The following LAMA2 variants were observed in gnomAD, a reference collection of about 807,000 sequenced individuals.
LAMA2 encodes laminin subunit alpha 2.
A neutral mutation model predicts 364.8 loss-of-function variants in LAMA2; 269 were observed. The observed-to-expected ratio is 0.74, with a 90% confidence interval of 0.67 to 0.82. The LOEUF (loss-of-function observed/expected upper bound fraction) is 0.82. Among genes scored for constraint, LAMA2 ranks in the 40% least tolerant of loss-of-function variants. The pLI, the probability that LAMA2 is intolerant of heterozygous loss-of-function variation, is 0.00. For synonymous variants in LAMA2, 1,379 were observed against 1,370.6 expected, an observed-to-expected ratio of 1.01 and a Z score of -0.14; for missense variants, 3,807 against 3,873.2, an observed-to-expected ratio of 0.98 and a Z score of 0.45.
Position 128,946,164 on chromosome 6 carries a change from A to G in LAMA2, c.112+62807A>G, listed in dbSNP as rs78642184. ...CTGATTATCAATGAATGTTGTTTTA[A>G]GTCACTACGTTTGTGATAATTTATT... On this transcript the variant is annotated intron_variant, in intron 1 of 64. Coordinates refer to ENST00000421865, the MANE Select transcript of LAMA2 (RefSeq NM_000426.4). Among the ~76,000 whole-genome samples, 580 of 152,370 alleles carry G rather than the reference A, an allele frequency of 3.8e-3. 2 individuals carry two copies. Among genetic ancestry groups the G allele is most frequent in the Non-Finnish European group, 7.0e-3 (479 of 68,042 alleles).
At chr6:128,889,634 A>C (rs2114379391) in intron 1 of LAMA2, among the ~76,000 whole-genome samples, 1 of 152,232 alleles carries the variant, frequency 6.6e-6, no homozygotes, top group Non-Finnish European at 1.5e-5. Context: ...AAAATAAGGT[A>C]ATTAAAATAG....
intron 34 of LAMA2, among the ~76,000 whole-genome samples, chr6:129,381,234 T>C (rs924310642): frequency 7.2e-5 from 11 of 152,214 alleles, no homozygotes; most frequent in African/African-American, 2.7e-4. Context: ...AGTTCCTTAT[T>C]ATGGTGTTCA....
At chr6:129,229,820 C>G (rs1441855508) in intron 12 of LAMA2, among the ~76,000 whole-genome samples, 1 of 152,122 alleles carries the variant, frequency 6.6e-6, no homozygotes, top group African/African-American at 2.4e-5. Context: ...AACTAAAAGA[C>G]TTGTCATTGA....
At chr6:129,084,024 G>T (rs559234400) in intron 3 of LAMA2, among the ~76,000 whole-genome samples, 1 of 152,262 alleles carries the variant, frequency 6.6e-6, no homozygotes, top group Non-Finnish European at 1.5e-5. Flanking sequence ...TAACACCTAA[G>T]TTAAAGGCCG....
chr6:128,986,308 C>G (rs943265771), intron 1 of LAMA2, among the ~76,000 whole-genome samples: 2 of 151,980 alleles, frequency 1.3e-5, no homozygotes, highest in Admixed American at 6.6e-5. Context: ...TAGAAACAGT[C>G]ATTTCTTGGA....
chr6:129,324,961 G>A lies in LAMA2; in HGVS notation c.4177-3317G>A, dbSNP rs117604530. ...AAGTGGTGAAACAGGAATTAAACTCGGGTCTGCCTGATTGCAAAATCCATG... is the reference window on the plus strand; with the variant it reads ...AAGTGGTGAAACAGGAATTAAACTCAGGTCTGCCTGATTGCAAAATCCATG... On this transcript the variant is annotated intron_variant, in intron 28 of 64. Transcript: ENST00000421865. Among the ~76,000 whole-genome samples the A allele has an allele frequency of 8.3e-4, 126 of 152,198 alleles. 1 individual carries two copies. The East Asian group carries it at 0.018, about 21-fold the overall frequency.
chr6:129,504,017 G>A (rs1305727455), intron 60 of LAMA2, among the ~76,000 whole-genome samples: 1 of 152,168 alleles, frequency 6.6e-6, no homozygotes, highest in African/African-American at 2.4e-5. Flanking sequence ...CTGCACCTGC[G>A]ATAGCCTATT....
intron 33 of LAMA2, among the ~76,000 whole-genome samples, chr6:129,367,261 A>T (rs553195948): frequency 6.6e-6 from 1 of 152,356 alleles, no homozygotes; most frequent in South Asian, 2.1e-4. Flanking sequence ...TCAGTCAATT[A>T]TCAGATATTT....
chr6:129,348,267 G>A (rs1391220292), intron 30 of LAMA2, among the ~76,000 whole-genome samples: 2 of 152,158 alleles, frequency 1.3e-5, no homozygotes, highest in Non-Finnish European at 2.9e-5. Context: ...TTGATGTAAC[G>A]CATTAGAAGA....
At chr6:128,911,127 A>AAGGC (rs1337070490) in intron 1 of LAMA2, among the ~76,000 whole-genome samples, 4 of 152,146 alleles carry the variant, frequency 2.6e-5, no homozygotes, top group Admixed American at 1.3e-4. Flanking sequence ...GGAGCCTACA[A>AAGGC]AGGCAGGCAG....
At chr6:129,157,782 C>G (rs1779204690) in intron 8 of LAMA2, 2 of 1,613,174 alleles carry the variant, frequency 1.2e-6, no homozygotes, top group Admixed American at 3.3e-5. Flanking sequence ...CACGATCCCT[C>G]CTGTGATACA....
intron 55 of LAMA2, 69 bp from the exon 56 acceptor site, chr6:129,486,405 A>G (rs983892624): frequency 2.0e-6 from 3 of 1,491,394 alleles, no homozygotes; most frequent in Non-Finnish European, 1.9e-6. Context: ...TGGTTCTGCC[A>G]GGGAATCTCT....
At chr6:128,968,751 G>A (rs1782009403) in intron 1 of LAMA2, among the ~76,000 whole-genome samples, 1 of 152,170 alleles carries the variant, frequency 6.6e-6, no homozygotes. Context: ...GGCAGCCAGG[G>A]TAAGGGCAGA....
At chr6:129,388,677 GCA>G (rs925813847) in intron 35 of LAMA2, among the ~76,000 whole-genome samples, 2 of 151,330 alleles carry the variant, frequency 1.3e-5, no homozygotes, top group Admixed American at 6.6e-5. Context: ...ATTTATACAC[GCA>G]CACACACACA....
intron 1 of LAMA2, among the ~76,000 whole-genome samples, chr6:128,887,740 T>A (rs1776224456): frequency 1.3e-5 from 2 of 151,892 alleles, no homozygotes; most frequent in Non-Finnish European, 2.9e-5. Context: ...CGTGGTGGCA[T>A]GTGCCTGTAA....
chr6:129,161,685 A>G (rs914911261), intron 8 of LAMA2, among the ~76,000 whole-genome samples: 6 of 152,024 alleles, frequency 3.9e-5, no homozygotes, highest in Admixed American at 3.9e-4. Context: ...CCTGGTGTCT[A>G]TTGTTGCCTT....
chr6:129,084,359 T>C (rs1774247196), intron 3 of LAMA2, among the ~76,000 whole-genome samples: 1 of 152,304 alleles, frequency 6.6e-6, no homozygotes, highest in Middle Eastern at 3.4e-3. Context: ...CATTTATGTT[T>C]AAGCTGCAAA....
At chr6:129,368,529 G>T (rs1562499196) in intron 33 of LAMA2, among the ~76,000 whole-genome samples, 1 of 152,172 alleles carries the variant, frequency 6.6e-6, no homozygotes, top group African/African-American at 2.4e-5. Context: ...TGTATATGGA[G>T]AGAATACAGA....
intron 12 of LAMA2, among the ~76,000 whole-genome samples, chr6:129,206,090 A>AAGGGAGGGAGGGAGGG (rs1197846032): frequency 6.3e-5 from 7 of 111,930 alleles, no homozygotes; most frequent in African/African-American, 2.6e-4. Context: ...AGGAGGAAGG[A>AAGGGAGGGAGGGAGGG]AGGGAGGGAG....
Sources: allele counts gnomAD v4.1 joint callset (sites outside exome capture counted in the v4.1 genomes callset), GRCh38; gene constraint gnomAD v4.1.1; transcripts MANE v1.5; gene names NCBI Gene and HGNC (gene_info 2026-07-23, HGNC 2026-07-21).